ARL14EP: variants seen among roughly 807,000 people sequenced by gnomAD.
ARL14EP encodes the protein ARF like GTPase 14 effector protein, also known as ARL14 effector protein.
Under a neutral mutation model 23.1 loss-of-function variants are expected in ARL14EP, and 12 were observed. The observed-to-expected ratio is 0.52, with a 90% CI of 0.33 to 0.84. The LOEUF is 0.84. Ranked by LOEUF, ARL14EP falls within the 40% of genes least tolerant of loss-of-function variation. The pLI is 0.02. For missense variants in ARL14EP, 253 were observed against 307.3 expected (o/e 0.82, Z 1.32); for synonymous variants, 97 against 102.0 (o/e 0.95, Z 0.29).
rs988835129 is a variant in ARL14EP at position 30,331,705 on chromosome 11, C to T, written c.426+331C>T. 4 of 1,125,702 alleles carry T rather than the reference C, an allele frequency of 3.6e-6. No individual in the cohort carries two copies. In the East Asian group the frequency reaches 1.9e-4, roughly 52 times the overall value. 69.7% of individuals were successfully genotyped at this position (1,125,702 alleles called of 1,614,324 possible). ...CTTTTCTGATACCAAAGTAACTACA[C>T]GGGACATGGCAACCACCAAGGGTCT... On this transcript the variant is annotated intron_variant, in intron 2 of 3. Transcript: ENST00000282032.
chr11:30,326,997 A>G (rs986243694), intron 1 of ARL14EP, among the ~76,000 whole-genome samples: 1 of 152,224 alleles, frequency 6.6e-6, no homozygotes, highest in African/African-American at 2.4e-5. Context: ...TGAAATTCAA[A>G]TCTAACAGGG....
intron 3 of ARL14EP, among the ~76,000 whole-genome samples, chr11:30,335,871 C>T (rs547500848): frequency 3.9e-4 from 60 of 152,028 alleles, no homozygotes; most frequent in South Asian, 3.3e-3. Context: ...ATTCATATAT[C>T]TCCGTTCTAT....
Position 30,327,342 on chromosome 11 carries a change from G to T in ARL14EP, c.-63-3544G>T, listed in dbSNP as rs553775546. Among the ~76,000 whole-genome samples, 45 of 151,942 alleles carry T rather than the reference G, an allele frequency of 3.0e-4. No individual in the cohort carries two copies. The South Asian group carries it at 7.1e-3, about 24-fold the overall frequency. ...GAGACTCCCCAATAACTAAGGAAAA[G>T]AATTTTTTACCTAAAATTAAAATTA... On this transcript the variant is annotated intron_variant, in intron 1 of 3. Transcript: ENST00000282032.
intron 1 of ARL14EP, among the ~76,000 whole-genome samples, chr11:30,327,427 G>T (rs952490790): frequency 3.1e-4 from 47 of 152,176 alleles, no homozygotes; most frequent in African/African-American, 1.1e-3. Flanking sequence ...GACAGATAAG[G>T]TTTCTAAAGT....
chr11:30,328,489 G>A (rs1947258882), intron 1 of ARL14EP: 1 of 151,904 alleles, frequency 6.6e-6, no homozygotes, highest in Non-Finnish European at 1.5e-5. Context: ...GATTTGATTG[G>A]GACCTGTATT....
rs562108970 is a variant in ARL14EP, at chr11:30,323,354, G to C, written c.-64+152G>C. On this transcript the variant is annotated intron_variant, in intron 1 of 3. Transcript: ENST00000282032. ...TGAGGGGGATTTCCAGCTGCTGGCC[G>C]GGGCCTCTCACCCCTACCCCCGCGT... 3.3e-5 allele frequency among the ~76,000 whole-genome samples: 5 copies of C among 152,284 alleles called. No individual in the cohort carries two copies. In the South Asian group the frequency reaches 1.0e-3, roughly 32 times the overall value.
rs75912598 is a variant in ARL14EP at position 30,332,822 on chromosome 11, C to T, written c.427-44C>T. The T allele has an allele frequency of 2.9e-3, 4,640 of 1,603,950 alleles. 109 individuals carry two copies. In the African/African-American group the frequency reaches 0.048, roughly 17 times the overall value. On this transcript the variant is annotated intron_variant, in intron 2 of 3. Transcript: ENST00000282032. Reference sequence around the variant, plus strand: ...ATTAAATAAAATGTTAATCTGTTGTCTGTTGTCAAGATTTGAGTTGATAAT... The same window carrying T: ...ATTAAATAAAATGTTAATCTGTTGTTTGTTGTCAAGATTTGAGTTGATAAT...
Position 30,336,901 on chromosome 11 carries a change from C to A in ARL14EP, c.*106C>A. 9.4e-7 allele frequency: 1 copy of A among 1,058,238 alleles called. No homozygotes were observed. 65.6% of individuals were successfully genotyped at this position (1,058,238 alleles called of 1,614,324 possible). A position where few individuals can be genotyped will look rare whatever the true frequency, so the allele number is the denominator to read the frequency against. On this transcript the variant is annotated 3_prime_UTR_variant, in exon 4 of 4. Coordinates refer to ENST00000282032, the MANE Select transcript of ARL14EP (RefSeq NM_152316.3). ...TATCATATGACAAAGATTTTAAAAC[C>A]ATCTCAGTGTGCCCTAATTTTTCAT...
At chr11:30,334,702 C>T (rs555197755) in intron 3 of ARL14EP, among the ~76,000 whole-genome samples, 140 of 152,304 alleles carry the variant, frequency 9.2e-4, no homozygotes, top group African/African-American at 3.2e-3. Context: ...GCTAAATGTA[C>T]TCTACCTGTC....
At chr11:30,329,243 TAA>T (rs1433097336) in intron 1 of ARL14EP, 1 of 152,198 alleles carries the variant, frequency 6.6e-6, no homozygotes, top group Non-Finnish European at 1.5e-5. Flanking sequence ...TTTTTTCACT[TAA>T]GATTGTCTTT....
chr11:30,336,144 A>G (rs1947330033), intron 3 of ARL14EP, among the ~76,000 whole-genome samples: 1 of 152,182 alleles, frequency 6.6e-6, no homozygotes, highest in Non-Finnish European at 1.5e-5. Flanking sequence ...CAAATTTACT[A>G]GAGTCCATTA....
At chr11:30,334,657 T>G (rs750624273) in intron 3 of ARL14EP, among the ~76,000 whole-genome samples, 2 of 152,224 alleles carry the variant, frequency 1.3e-5, no homozygotes, top group Non-Finnish European at 2.9e-5. Flanking sequence ...TGAAGCCAAT[T>G]ATTTACCTCT....
chr11:30,331,512 A>T, intron 2 of ARL14EP, 138 bp downstream of exon 2: 2 of 1,494,740 alleles, frequency 1.3e-6, no homozygotes, highest in South Asian at 1.3e-5. Context: ...AAAGTGGATG[A>T]TGTTTCTAAA....
Position 30,334,208 on chromosome 11 carries a change from C to CTTTTTTTTTTTTTTTTTTTT in ARL14EP, c.554+1221_554+1240dup, listed in dbSNP as rs36111177. ...CAGATTTTCAATGTAGACCAGCCTT[C>CTTTTTTTTTTTTTTTTTTTT]TTTTTTTTTTTTTTTTTTTTTTTTT... On this transcript the variant is annotated intron_variant, in intron 3 of 3. Transcript: ENST00000282032. 1.7e-3 allele frequency among the ~76,000 whole-genome samples: 150 copies of CTTTTTTTTTTTTTTTTTTTT among 86,004 alleles called. 8 individuals are homozygous for CTTTTTTTTTTTTTTTTTTTT. The highest frequency in any genetic ancestry group is 6.6e-3 in the East Asian group (9 of 1,362). The allele number at this position is 86,004 out of a possible 152,430, so 56.4% of individuals were successfully genotyped here. A position where few individuals can be genotyped will look rare whatever the true frequency, so the allele number is the denominator to read the frequency against.
intron 1 of ARL14EP, among the ~76,000 whole-genome samples, chr11:30,324,855 T>C (rs1175412666): frequency 6.6e-6 from 1 of 152,212 alleles, no homozygotes; most frequent in East Asian, 1.9e-4. Context: ...TTCATTCTCT[T>C]TTGATTCTTA....
chr11:30,331,416 C>T, intron 2 of ARL14EP, 42 bp downstream of exon 2: 3 of 1,612,426 alleles, frequency 1.9e-6, no homozygotes, highest in Non-Finnish European at 2.5e-6. Flanking sequence ...TGAATTCTAC[C>T]ATGTAGGATT....
chr11:30,331,898 C>G (rs1264531356), intron 2 of ARL14EP: 2 of 797,230 alleles, frequency 2.5e-6, no homozygotes, highest in African/African-American at 1.9e-5. Flanking sequence ...TTCTTTGCTT[C>G]TAGTTCTGAA....
At chr11:30,330,665 G>T (rs1947274522) in intron 1 of ARL14EP, 1 of 336,348 alleles carries the variant, frequency 3.0e-6, no homozygotes, top group Admixed American at 4.6e-5. Flanking sequence ...TAATTCTTAT[G>T]TGGTCTTAAA....
At chr11:30,333,114 A>C in intron 3 of ARL14EP, 121 bp downstream of exon 3, 1 of 1,319,026 alleles carries the variant, frequency 7.6e-7, no homozygotes, top group Non-Finnish European at 1.0e-6. Flanking sequence ...ATGTAGAATT[A>C]GTAAAAACCT....
Sources: gnomAD v4.1 joint callset for allele counts (sites outside exome capture counted in the v4.1 genomes callset) on GRCh38, gnomAD v4.1.1 for gene constraint, MANE v1.5 for transcripts, NCBI Gene and HGNC (gene_info 2026-07-23, HGNC 2026-07-21) for gene names.